GLYATL2: variants seen among roughly 807,000 people sequenced by gnomAD.
GLYATL2 encodes the protein glycine N-acyltransferase-like protein 2.
Under a neutral mutation model 21.4 loss-of-function variants are expected in GLYATL2, and 25 were observed. The observed-to-expected ratio is 1.17, with a 90% CI of 0.85 to 1.63. The LOEUF is 1.63. GLYATL2 is among the 40% of genes most tolerant of loss of function. The probability of loss-of-function intolerance (pLI) is 0.00; values close to 1 mark genes in which losing one functional copy is unlikely to be tolerated. For synonymous variants in GLYATL2, 114 were observed against 118.2 expected (o/e 0.96, Z 0.23); for missense variants, 361 against 343.3 (o/e 1.05, Z -0.41).
At chr11:58,837,909 C>T (rs2134570427) in intron 3 of GLYATL2, among the ~76,000 whole-genome samples, 1 of 152,296 alleles carries the variant, frequency 6.6e-6, no homozygotes, top group Middle Eastern at 3.4e-3. Context: ...CCTGCCTACC[C>T]TCTGCTGTTG....
At chr11:58,885,610 A>G in intron 1 of GLYATL2, 5 of 312,596 alleles carry the variant, frequency 1.6e-5, no homozygotes, top group Non-Finnish European at 2.5e-5. Flanking sequence ...ACCATTTCAG[A>G]CACCAGGGCT....
Position 58,842,091 on chromosome 11 carries a change from G to A in GLYATL2, c.-41+2343C>T, listed in dbSNP as rs17153014. 3.2e-3 allele frequency among the ~76,000 whole-genome samples: 494 copies of A among 152,272 alleles called. 1 individual carries two copies. Among genetic ancestry groups the A allele is most frequent in the African/African-American group, 0.011 (473 of 41,566 alleles). The stretch of plus-strand genomic sequence containing the variant: ...ATGTAAGTCATTAATAGGCCAATGT[G>A]TAAACAGGACATAGAAAGGTGACAG... On this transcript the variant is annotated intron_variant, in intron 1 of 5. Coordinates refer to ENST00000287275, the MANE Select transcript of GLYATL2 (RefSeq NM_145016.4).
chr11:58,840,917 T>G (rs1853538690), intron 1 of GLYATL2: 1 of 149,848 alleles, frequency 6.7e-6, no homozygotes, highest in Non-Finnish European at 1.5e-5. Context: ...GATGCATAGG[T>G]GAATGGTTAT....
At chr11:58,877,559 G>C (rs866827254) in intron 1 of GLYATL2, among the ~76,000 whole-genome samples, 13 of 152,332 alleles carry the variant, frequency 8.5e-5, no homozygotes, top group Middle Eastern at 3.4e-3. Context: ...GGTCCACAGA[G>C]GAGACTGCGA....
intron 1 of GLYATL2, among the ~76,000 whole-genome samples, chr11:58,862,826 T>C (rs530864724): frequency 0.017 from 450 of 27,208 alleles, no homozygotes; most frequent in African/African-American, 0.023. Flanking sequence ...CTATTGGTTA[T>C]TCTTTTTTTT....
chr11:58,868,262 C>A lies in GLYATL2; in HGVS notation n.61-29894G>T, dbSNP rs182160894. Reference sequence around the variant, plus strand: ...GACCCTCTGGTCTTAGAGCTTGATACTTTCATTTGTTTTATATGAATTTCT... The same window carrying A: ...GACCCTCTGGTCTTAGAGCTTGATAATTTCATTTGTTTTATATGAATTTCT... On this transcript the variant is annotated intron_variant and non_coding_transcript_variant, in intron 1 of 4. Coordinates refer to the GLYATL2 transcript ENST00000533636. Among the ~76,000 whole-genome samples the A allele has an allele frequency of 1.4e-3, 201 of 148,808 alleles. 8 individuals are homozygous for A. Among genetic ancestry groups the A allele is most frequent in the African/African-American group, 4.4e-3 (182 of 41,294 alleles).
At chr11:58,905,289 C>T, upstream of GLYATL2, 2 of 375,174 alleles carry the variant, frequency 5.3e-6, no homozygotes, top group Non-Finnish European at 1.1e-5. Context: ...CTAGACCTCA[C>T]GCAGACGCGG....
At chr11:58,862,328 A>G (rs73478989) in intron 1 of GLYATL2, among the ~76,000 whole-genome samples, 4,589 of 152,222 alleles carry the variant, frequency 0.03, 230 homozygotes, top group African/African-American at 0.11. Flanking sequence ...TAATGTTCCT[A>G]TACCTGTATA....
At chr11:58,860,551 A>G (rs1417423970) in intron 1 of GLYATL2, among the ~76,000 whole-genome samples, 4 of 152,118 alleles carry the variant, frequency 2.6e-5, no homozygotes, top group Non-Finnish European at 5.9e-5. Flanking sequence ...GCAAACAGGA[A>G]TATATTTAGC....
intron 1 of GLYATL2, among the ~76,000 whole-genome samples, chr11:58,873,683 T>A (rs571522196): frequency 6.6e-6 from 1 of 152,328 alleles, no homozygotes; most frequent in Admixed American, 6.5e-5. Flanking sequence ...CTGGATTCAG[T>A]TTGCCAGTAT....
In GLYATL2 at chr11:58,837,110, G is replaced by A. The variant is rs1209313793; in HGVS notation, c.381C>T (p.Tyr127=). Residue 127 remains tyrosine, a synonymous_variant, in exon 5 of 6, where the codon TAC becomes TAT. Transcript: ENST00000287275. ...VATSKSVQVD[Y]MKTILFIPEL... ...CCGGTATAAAGAGGATGGTTTTCAT[G>A]TAATCTACCTGCACTGATTTTGAAG... 11 of 1,613,762 alleles carry A rather than the reference G, an allele frequency of 6.8e-6. No homozygotes were observed. The highest frequency in any genetic ancestry group is 8.5e-6 in the Non-Finnish European group (10 of 1,179,808).
chr11:58,849,899 A>C (rs1444649380), intron 1 of GLYATL2, among the ~76,000 whole-genome samples: 1 of 152,174 alleles, frequency 6.6e-6, no homozygotes, highest in East Asian at 1.9e-4. Context: ...ACAAAGCTGC[A>C]CGTTCAGCAC....
At chr11:58,882,802 C>T (rs1027649828) in intron 1 of GLYATL2, among the ~76,000 whole-genome samples, 1 of 152,162 alleles carries the variant, frequency 6.6e-6, no homozygotes, top group African/African-American at 2.4e-5. Context: ...CTACATATGG[C>T]TAGCCAGTTT....
At chr11:58,855,797 A>G (rs934914382) in intron 1 of GLYATL2, among the ~76,000 whole-genome samples, 1 of 152,176 alleles carries the variant, frequency 6.6e-6, no homozygotes, top group Non-Finnish European at 1.5e-5. Context: ...CAATTTCTAC[A>G]TCAGCATTTG....
upstream of GLYATL2, chr11:58,904,308 C>T (rs1460688427): frequency 6.6e-6 from 1 of 152,174 alleles, no homozygotes; most frequent in Non-Finnish European, 1.5e-5. Context: ...TTACTCCTTG[C>T]TACAAATCCT....
intron 1 of GLYATL2, among the ~76,000 whole-genome samples, chr11:58,857,682 A>C (rs559727033): frequency 3.9e-5 from 6 of 152,092 alleles, no homozygotes; most frequent in Admixed American, 3.3e-4. Flanking sequence ...TTCATCATTC[A>C]TGTTGTCACT....
At chr11:58,892,869 T>C (rs1056399782) in intron 1 of GLYATL2, 2 of 312,276 alleles carry the variant, frequency 6.4e-6, no homozygotes, top group African/African-American at 4.4e-5. Context: ...TCATTTATAA[T>C]TGCTATTCCT....
chr11:58,848,945 G>C (rs1326543854), upstream of GLYATL2, among the ~76,000 whole-genome samples: 1 of 152,112 alleles, frequency 6.6e-6, no homozygotes, highest in Non-Finnish European at 1.5e-5. Flanking sequence ...AAACATAAAA[G>C]CAGCAAGAGA....
chr11:58,875,229 T>C (rs1400705280), intron 1 of GLYATL2, among the ~76,000 whole-genome samples: 1 of 152,250 alleles, frequency 6.6e-6, no homozygotes, highest in African/African-American at 2.4e-5. Flanking sequence ...CTGATGGGTC[T>C]TGACTCTTTA....
Sources: allele counts gnomAD v4.1 joint callset (sites outside exome capture counted in the v4.1 genomes callset), GRCh38; gene constraint gnomAD v4.1.1; transcripts MANE v1.5; gene names NCBI Gene and HGNC (gene_info 2026-07-23, HGNC 2026-07-21).